Variants in ORC1 observed in about 807,000 individuals in gnomAD.
ORC1 encodes the protein origin recognition complex, subunit 1 homolog.
Under a neutral mutation model 98.9 loss-of-function variants are expected in ORC1, and 61 were observed. That is an observed-to-expected ratio of 0.62 (90% CI 0.50 to 0.76). ORC1 has a LOEUF of 0.76. Among genes scored for constraint, ORC1 ranks in the 30% least tolerant of loss-of-function variants. The pLI is 0.00. For missense variants in ORC1, 979 were observed against 1,072.2 expected (o/e 0.91, Z 1.21); for synonymous variants, 385 against 406.9 (o/e 0.95, Z 0.65).
At chr1:52,398,983 C>T (rs1311328308) in intron 3 of ORC1, among the ~76,000 whole-genome samples, 4 of 152,148 alleles carry the variant, frequency 2.6e-5, no homozygotes, top group South Asian at 2.1e-4. Flanking sequence ...AAGAGTTTGT[C>T]AAAGGTCACA....
intron 13 of ORC1, among the ~76,000 whole-genome samples, chr1:52,383,095 A>C (rs1647093549): frequency 6.7e-6 from 1 of 148,812 alleles, no homozygotes; most frequent in African/African-American, 2.5e-5. Flanking sequence ...TTTGGGATGG[A>C]CTCTTGCTTC....
chr1:52,399,170 C>T (rs1647573308), intron 3 of ORC1, among the ~76,000 whole-genome samples: 1 of 152,104 alleles, frequency 6.6e-6, no homozygotes, highest in African/African-American at 2.4e-5. Flanking sequence ...CATCAAACAG[C>T]AGCAAAACAA....
At chr1:52,392,082 T>TA (rs1647223344) in intron 6 of ORC1, among the ~76,000 whole-genome samples, 1 of 150,974 alleles carries the variant, frequency 6.6e-6, no homozygotes, top group Non-Finnish European at 1.5e-5. Context: ...GGCCATAATT[T>TA]AAAAAATCAA....
chr1:52,400,307 A>G (rs1647644113), intron 3 of ORC1, among the ~76,000 whole-genome samples: 1 of 152,218 alleles, frequency 6.6e-6, no homozygotes, highest in Non-Finnish European at 1.5e-5. Flanking sequence ...CAGCACGGAT[A>G]CACTGGACAA....
intron 8 of ORC1, among the ~76,000 whole-genome samples, chr1:52,388,230 A>G (rs1159985824): frequency 6.6e-6 from 1 of 152,128 alleles, no homozygotes; most frequent in Non-Finnish European, 1.5e-5. Context: ...CGTAAAAGGG[A>G]CTTACCTCAA....
chr1:52,403,140 G>A (rs1647811404), intron 1 of ORC1, among the ~76,000 whole-genome samples: 1 of 152,164 alleles, frequency 6.6e-6, no homozygotes, highest in African/African-American at 2.4e-5. Context: ...TGAACATTGT[G>A]GATTGGGCCT....
chr1:52,401,167 C>T (rs976529078), intron 3 of ORC1, among the ~76,000 whole-genome samples, 195 bp downstream of exon 3: 2 of 151,960 alleles, frequency 1.3e-5, no homozygotes, highest in Non-Finnish European at 2.9e-5. Context: ...TTGAGCCTTC[C>T]AGTTCCGTTT....
At chr1:52,391,707 T>C (rs1463253642) in intron 6 of ORC1, among the ~76,000 whole-genome samples, 2 of 152,104 alleles carry the variant, frequency 1.3e-5, no homozygotes, top group Non-Finnish European at 2.9e-5. Flanking sequence ...GAGACTAGCC[T>C]AGCCAACATG....
At chr1:52,388,721 T>C in intron 7 of ORC1, 84 bp from the exon 8 acceptor site, 1 of 1,234,822 alleles carries the variant, frequency 8.1e-7, no homozygotes, top group Non-Finnish European at 1.2e-6. Flanking sequence ...GGATTACAAG[T>C]ATTGCAGGGT....
chr1:52,379,043 A>T (rs1031907851), intron 14 of ORC1, among the ~76,000 whole-genome samples: 2 of 152,010 alleles, frequency 1.3e-5, no homozygotes, highest in African/African-American at 4.8e-5. Context: ...AAAAAAAAAA[A>T]TTATAATAAT....
intron 5 of ORC1, among the ~76,000 whole-genome samples, chr1:52,394,264 C>G (rs1647298458): frequency 6.6e-6 from 1 of 152,158 alleles, no homozygotes; most frequent in African/African-American, 2.4e-5. Context: ...GGGGACAATC[C>G]ACTGGTTCTG....
intron 16 of ORC1, among the ~76,000 whole-genome samples, chr1:52,374,174 G>C (rs1262736918): frequency 6.6e-6 from 1 of 152,196 alleles, no homozygotes; most frequent in African/African-American, 2.4e-5. Flanking sequence ...TCAGACTCTA[G>C]GAGGAGAACA....
intron 6 of ORC1, among the ~76,000 whole-genome samples, chr1:52,389,860 T>TA (rs970890292): frequency 3.9e-5 from 6 of 152,050 alleles, no homozygotes; most frequent in Non-Finnish European, 8.8e-5. Context: ...AGTCTCCAGT[T>TA]AAAAAATGAG....
At chr1:52,408,255 A>G (rs1021066324), upstream of ORC1, 7 of 419,618 alleles carry the variant, frequency 1.7e-5, no homozygotes, top group Non-Finnish European at 3.2e-5. Flanking sequence ...ATAAAATAAA[A>G]TTCAGTATTT....
chr1:52,407,329 T>C (rs778892239), upstream of ORC1, among the ~76,000 whole-genome samples: 1 of 152,106 alleles, frequency 6.6e-6, no homozygotes. Context: ...ACGACTCTAA[T>C]AAAGCATTAA....
chr1:52,404,598 C>T (rs1031795398), upstream of ORC1: 5 of 761,704 alleles, frequency 6.6e-6, no homozygotes, highest in African/African-American at 1.8e-5. Flanking sequence ...AGCGGAAGCC[C>T]TTTACACTAC....
upstream of ORC1, chr1:52,404,452 T>C (rs1432735926): frequency 8.4e-5 from 23 of 273,696 alleles, no homozygotes; most frequent in Middle Eastern, 1.1e-3. Context: ...CCAATCGGCG[T>C]GGCCCCGCCC....
At chr1:52,387,356 C>G (rs752717030) in intron 8 of ORC1, among the ~76,000 whole-genome samples, 7 of 152,150 alleles carry the variant, frequency 4.6e-5, no homozygotes, top group Non-Finnish European at 8.8e-5. Flanking sequence ...CTGAAACCAT[C>G]CCCCCAGCCC....
upstream of ORC1, chr1:52,409,102 C>G (rs1557591851): frequency 6.0e-6 from 1 of 167,304 alleles, no homozygotes; most frequent in Non-Finnish European, 1.3e-5. Flanking sequence ...GTAATTCACA[C>G]TGCAGCATAT....
Sources: gnomAD v4.1 joint callset for allele counts (sites outside exome capture counted in the v4.1 genomes callset) on GRCh38, gnomAD v4.1.1 for gene constraint, MANE v1.5 for transcripts, NCBI Gene and HGNC (gene_info 2026-07-23, HGNC 2026-07-21) for gene names.